The following APPL1 variants were observed in gnomAD, a reference collection of about 807,000 sequenced individuals.
APPL1 encodes adaptor protein, phosphotyrosine interacting with PH domain and leucine zipper 1, also known as DCC-interacting protein 13-alpha.
APPL1 carries 42 observed loss-of-function variants against 106.8 expected under a neutral mutation model. That is an observed-to-expected ratio of 0.39 (90% confidence interval 0.31 to 0.51). The LOEUF is 0.51. APPL1 is among the 20% of genes least tolerant of loss of function. The pLI is 0.75. For synonymous variants in APPL1, 263 were observed against 281.8 expected (o/e 0.93, Z 0.67); for missense variants, 769 against 858.2 (o/e 0.90, Z 1.30).
rs897338205 is a variant in APPL1 at position 57,241,476 on chromosome 3, A to T, written c.374-625A>T. Reference sequence around the variant, plus strand: ...TTCCAAAATATGTAGAGAGATTAAAAATATTGAACTAATGTATCAGTGAAT... The same window carrying T: ...TTCCAAAATATGTAGAGAGATTAAATATATTGAACTAATGTATCAGTGAAT... On this transcript the variant is annotated intron_variant, in intron 5 of 21. Transcript: ENST00000288266. Among the ~76,000 whole-genome samples, 17 of 152,210 alleles carry T rather than the reference A, an allele frequency of 1.1e-4. 2 individuals carry two copies. Among genetic ancestry groups the T allele is most frequent in the Admixed American group, 1.0e-3 (16 of 15,284 alleles).
chr3:57,264,578 AAAAT>A (rs1214084817), intron 19 of APPL1, among the ~76,000 whole-genome samples: 35 of 146,102 alleles, frequency 2.4e-4, no homozygotes, highest in Non-Finnish European at 1.5e-4. Flanking sequence ...AAAAATAAAA[AAAAT>A]AAAAAAAAAT....
intron 19 of APPL1, among the ~76,000 whole-genome samples, chr3:57,267,476 C>T (rs1000005961): frequency 1.3e-5 from 2 of 152,132 alleles, no homozygotes; most frequent in South Asian, 2.1e-4. Context: ...GCTTCTTCCT[C>T]GTAGGCCTTA....
chr3:57,262,929 C>T (rs2060875160), intron 19 of APPL1, among the ~76,000 whole-genome samples: 1 of 149,952 alleles, frequency 6.7e-6, no homozygotes, highest in Non-Finnish European at 1.5e-5. Context: ...TGGCTCATTG[C>T]AACCTCCGCC....
intron 19 of APPL1, among the ~76,000 whole-genome samples, chr3:57,263,872 A>G (rs1218637455): frequency 1.3e-5 from 2 of 151,932 alleles, no homozygotes; most frequent in Admixed American, 1.3e-4. Flanking sequence ...ATGTCTCTTC[A>G]ATATACTGAT....
chr3:57,235,720 G>A (rs1209504969), intron 2 of APPL1, 56 bp downstream of exon 2: 1 of 1,284,632 alleles, frequency 7.8e-7, no homozygotes, highest in Non-Finnish European at 1.1e-6. Context: ...TAAGCCTCAT[G>A]AGGACAGATA....
rs1471402914 is a variant in APPL1, at chr3:57,257,053, T to A, written c.1247+2T>A. On this transcript the variant is annotated splice_donor_variant, in intron 14 of 21. Transcript: ENST00000288266. LOFTEE classifies it high-confidence loss of function. ...CGAGAGCCTGCGGCCAGCAGCAGGGTAAGTTACCACACTGAGTTATTTAAA... is the reference window on the plus strand; with the variant it reads ...CGAGAGCCTGCGGCCAGCAGCAGGGAAAGTTACCACACTGAGTTATTTAAA... 6.2e-7 allele frequency: 1 copy of A among 1,613,848 alleles called. No individual in the cohort carries two copies. Among genetic ancestry groups the A allele is most frequent in the African/African-American group, 1.3e-5 (1 of 74,932 alleles).
intron 11 of APPL1, 48 bp downstream of exon 11, chr3:57,249,596 C>G (rs367766861): frequency 1.4e-5 from 20 of 1,407,414 alleles, no homozygotes; most frequent in African/African-American, 3.0e-5. Context: ...TATTAAACTT[C>G]TGAAATGTGA....
In APPL1 at chr3:57,272,816, T is replaced by A. The variant is rs918102512; in HGVS notation, c.*3129T>A. The stretch of plus-strand genomic sequence containing the variant: ...GGGTTTCACCGTGTTAGCCAGGATG[T>A]TCTCGATCTCCTGACCTCATGATCC... On this transcript the variant is annotated 3_prime_UTR_variant, in exon 22 of 22. Coordinates refer to ENST00000288266, the MANE Select transcript of APPL1 (RefSeq NM_012096.3). 1 of 152,074 alleles carries A rather than the reference T, an allele frequency of 6.6e-6. No homozygotes were observed. Among genetic ancestry groups the A allele is most frequent in the Non-Finnish European group, 1.5e-5 (1 of 68,030 alleles). The allele number at this position is 152,074 out of a possible 1,614,324, so 9.4% of individuals were successfully genotyped here.
At chr3:57,268,615 G>A in intron 21 of APPL1, 128 bp downstream of exon 21, 2 of 1,056,550 alleles carry the variant, frequency 1.9e-6, no homozygotes, top group Non-Finnish European at 1.3e-6. Flanking sequence ...ATAAACAGAT[G>A]ATTCATACCA....
intron 13 of APPL1, 75 bp downstream of exon 13, chr3:57,253,813 C>T: frequency 9.6e-7 from 1 of 1,044,946 alleles, no homozygotes; most frequent in Middle Eastern, 3.0e-4. Flanking sequence ...TTTATTAATT[C>T]ATAATTTCTC....
rs570762773 is a variant in APPL1 at position 57,256,840 on chromosome 3, G to A, written c.1153-117G>A. 1.3e-5 allele frequency: 10 copies of A among 761,060 alleles called. No homozygotes were observed. The East Asian group carries it at 2.3e-4, about 18-fold the overall frequency. The allele number at this position is 761,060 out of a possible 1,614,324, so 47.1% of individuals were successfully genotyped here. ...GAGGGAATATAGTACTACTTTAGTA[G>A]CTCTAATTTATATTTTAAGTGTAAC... On this transcript the variant is annotated intron_variant, in intron 13 of 21. Coordinates refer to ENST00000288266, the MANE Select transcript of APPL1 (RefSeq NM_012096.3).
At chr3:57,236,334 T>G (rs1304857850) in intron 2 of APPL1, among the ~76,000 whole-genome samples, 1 of 145,624 alleles carries the variant, frequency 6.9e-6, no homozygotes, top group East Asian at 2.1e-4. Context: ...AGCCCCCTTT[T>G]TTTTTTTTTT....
At chr3:57,248,904 A>G (rs1380977815) in intron 10 of APPL1, among the ~76,000 whole-genome samples, 1 of 152,202 alleles carries the variant, frequency 6.6e-6, no homozygotes, top group East Asian at 1.9e-4. Flanking sequence ...ATTTGAGTTT[A>G]AATAAATATT....
chr3:57,240,209 T>G (rs1469401498), intron 4 of APPL1, among the ~76,000 whole-genome samples: 1 of 151,642 alleles, frequency 6.6e-6, no homozygotes, highest in Non-Finnish European at 1.5e-5. Flanking sequence ...CCATTATATA[T>G]TTTCTCTTGT....
In APPL1 at chr3:57,257,341, C is replaced by T. The variant is rs1365406722; in HGVS notation, c.1343C>T (p.Ala448Val). 3 of 1,613,942 alleles carry T rather than the reference C, an allele frequency of 1.9e-6. No individual in the cohort carries two copies. Among genetic ancestry groups the T allele is most frequent in the Non-Finnish European group, 2.5e-6 (3 of 1,180,024 alleles). ...LAALSLDSLVAPDTPIQFDII... is the reference protein window; with the variant it reads ...LAALSLDSLVVPDTPIQFDII... ...GCCCTCTCTCTAGATTCTCTTGTTG[C>T]CCCAGACACCCCAATACAGTTTGAC... The change falls in exon 15 of 22, where the codon GCC (alanine) becomes GTC (valine). Residue 448 changes from alanine (A) to valine (V), a missense_variant. Coordinates refer to ENST00000288266, the MANE Select transcript of APPL1 (RefSeq NM_012096.3).
intron 20 of APPL1, 37 bp from the exon 21 acceptor site, chr3:57,268,361 A>G (rs1452372597): frequency 2.0e-6 from 3 of 1,484,058 alleles, no homozygotes; most frequent in South Asian, 1.2e-5. Flanking sequence ...AAGTTATTTC[A>G]TATTTAATTC....
chr3:57,273,040 C>G lies in APPL1; in HGVS notation c.*3353C>G, dbSNP rs1399747399. 3 of 152,566 alleles carry G rather than the reference C, an allele frequency of 2.0e-5. No homozygotes were observed. The East Asian group carries it at 5.8e-4, about 29-fold the overall frequency. The allele number at this position is 152,566 out of a possible 1,614,324, so 9.5% of individuals were successfully genotyped here. On this transcript the variant is annotated 3_prime_UTR_variant, in exon 22 of 22. Coordinates refer to ENST00000288266, the MANE Select transcript of APPL1 (RefSeq NM_012096.3). The stretch of plus-strand genomic sequence containing the variant: ...TTACTCTTCTCCCATGAGATTTTGT[C>G]TTTCTACATTAACTAGTAAGACATA...
At chr3:57,242,289 A>T (rs1046088151) in intron 6 of APPL1, 147 bp downstream of exon 6, 1 of 620,994 alleles carries the variant, frequency 1.6e-6, no homozygotes, top group Non-Finnish European at 2.7e-6. Context: ...TACTTAAATT[A>T]CACTGTTTAT....
Position 57,272,175 on chromosome 3 carries a change from A to G in APPL1, c.*2488A>G, listed in dbSNP as rs912442976. On this transcript the variant is annotated 3_prime_UTR_variant, in exon 22 of 22. Transcript: ENST00000288266. ...GATATTAAGCCTGCCTACTTCTACAATGCATTCTGTTACCTATTTGAACAG... is the reference window on the plus strand; with the variant it reads ...GATATTAAGCCTGCCTACTTCTACAGTGCATTCTGTTACCTATTTGAACAG... The G allele has an allele frequency of 5.3e-5, 8 of 152,370 alleles. No homozygotes were observed. Among genetic ancestry groups the G allele is most frequent in the Middle Eastern group, 3.4e-3 (1 of 294 alleles). The allele number at this position is 152,370 out of a possible 1,614,324, so 9.4% of individuals were successfully genotyped here.
Sources: gnomAD v4.1 joint callset for allele counts (sites outside exome capture counted in the v4.1 genomes callset) on GRCh38, gnomAD v4.1.1 for gene constraint, MANE v1.5 for transcripts, NCBI Gene and HGNC (gene_info 2026-07-23, HGNC 2026-07-21) for gene names.